Variants in KAZN observed in about 807,000 individuals in gnomAD.
KAZN encodes the protein kazrin.
Under a neutral mutation model 87.4 loss-of-function variants are expected in KAZN, and 40 were observed. That is an observed-to-expected ratio of 0.46 (90% confidence interval 0.36 to 0.60). The LOEUF (loss-of-function observed/expected upper bound fraction) is 0.60, where lower values mean the gene tolerates loss of function less well. Ranked by LOEUF, KAZN falls within the 20% of genes least tolerant of loss-of-function variation. KAZN has a pLI of 0.00. For synonymous variants in KAZN, 466 were observed against 458.3 expected, an observed-to-expected ratio of 1.02 and a Z score of -0.22; for missense variants, 898 against 1,073.9, an observed-to-expected ratio of 0.84 and a Z score of 2.29.
chr1:14,146,536 C>CAAAAAAAAAAACAAAAAAAA, intron 1 of KAZN, among the ~76,000 whole-genome samples: 1 of 63,508 alleles, frequency 1.6e-5, no homozygotes, highest in Non-Finnish European at 2.8e-5. Flanking sequence ...AACTCCATCT[C>CAAAAAAAAAAACAAAAAAAA]AAAAAAAAAA....
intron 2 of KAZN, among the ~76,000 whole-genome samples, chr1:14,266,436 G>A (rs565455833): frequency 1.3e-5 from 2 of 152,246 alleles, no homozygotes; most frequent in South Asian, 4.2e-4. Flanking sequence ...TTTACCACAC[G>A]CTAATTGATA....
chr1:14,081,740 C>G (rs1037767171), intron 1 of KAZN, among the ~76,000 whole-genome samples: 1 of 148,948 alleles, frequency 6.7e-6, no homozygotes, highest in Non-Finnish European at 1.5e-5. Context: ...CACTCTGTCC[C>G]TTTTGCTTTG....
At chr1:14,777,076 C>G (rs562446938) in intron 1 of KAZN, among the ~76,000 whole-genome samples, 1 of 152,324 alleles carries the variant, frequency 6.6e-6, no homozygotes, top group East Asian at 1.9e-4. Flanking sequence ...TCTCGGCTCA[C>G]TGCAAGTGCT....
At chr1:14,899,997 C>T (rs888605726) in intron 1 of KAZN, among the ~76,000 whole-genome samples, 16 of 152,216 alleles carry the variant, frequency 1.1e-4, no homozygotes, top group African/African-American at 2.7e-4. Flanking sequence ...CTTCCCGTTC[C>T]GGCCCTGTGG....
At chr1:15,036,957 C>T (rs1672401866) in intron 3 of KAZN, among the ~76,000 whole-genome samples, 1 of 152,180 alleles carries the variant, frequency 6.6e-6, no homozygotes, top group Non-Finnish European at 1.5e-5. Context: ...ATGCAGCCGG[C>T]GATGGCAGGG....
chr1:14,578,324 CT>C (rs1303470683), intron 2 of KAZN, among the ~76,000 whole-genome samples: 2 of 152,112 alleles, frequency 1.3e-5, no homozygotes, highest in African/African-American at 4.8e-5. Context: ...AAGCACCCTT[CT>C]TGCTGGCATG....
At chr1:13,988,899 C>A (rs934084732) in intron 1 of KAZN, among the ~76,000 whole-genome samples, 8 of 152,140 alleles carry the variant, frequency 5.3e-5, no homozygotes, top group East Asian at 1.9e-4. Context: ...TACTCCTGAT[C>A]TGAGGATCCC....
chr1:14,036,231 T>C (rs925375784), intron 1 of KAZN, among the ~76,000 whole-genome samples: 7 of 152,132 alleles, frequency 4.6e-5, no homozygotes, highest in African/African-American at 1.7e-4. Context: ...GCCCAAGACA[T>C]GTGGGGACTT....
chr1:14,790,076 C>A (rs1007298819), intron 1 of KAZN, among the ~76,000 whole-genome samples: 1 of 151,924 alleles, frequency 6.6e-6, no homozygotes, highest in Non-Finnish European at 1.5e-5. Flanking sequence ...AATCTTGACT[C>A]ACCGCAACCT....
intron 1 of KAZN, among the ~76,000 whole-genome samples, chr1:14,724,378 G>T (rs1230520695): frequency 1.3e-5 from 2 of 152,186 alleles, no homozygotes; most frequent in African/African-American, 4.8e-5. Flanking sequence ...GCGTCTGCGG[G>T]AGAGCTGGGA....
At chr1:14,274,842 T>A (rs1289631461) in intron 2 of KAZN, among the ~76,000 whole-genome samples, 1 of 151,136 alleles carries the variant, frequency 6.6e-6, no homozygotes, top group Non-Finnish European at 1.5e-5. Context: ...AAATATTTCT[T>A]TTTTTTTTCT....
intron 2 of KAZN, among the ~76,000 whole-genome samples, chr1:14,217,596 G>C (rs1349375752): frequency 6.6e-6 from 1 of 151,924 alleles, no homozygotes; most frequent in East Asian, 1.9e-4. Context: ...TATAATAAGG[G>C]CTCCAAAGAA....
intron 1 of KAZN, among the ~76,000 whole-genome samples, chr1:14,044,490 T>C (rs1034495215): frequency 6.6e-6 from 1 of 152,136 alleles, no homozygotes; most frequent in Non-Finnish European, 1.5e-5. Flanking sequence ...TAATACCTAC[T>C]ATGGGATACT....
chr1:14,583,951 T>C (rs939378643), intron 2 of KAZN, among the ~76,000 whole-genome samples: 2 of 152,188 alleles, frequency 1.3e-5, no homozygotes, highest in African/African-American at 4.8e-5. Context: ...GTCTGATTAA[T>C]AGTCTGAATG....
intron 2 of KAZN, among the ~76,000 whole-genome samples, chr1:14,543,150 T>TGTGTCATAA (rs1672920596): frequency 6.6e-6 from 1 of 152,198 alleles, no homozygotes; most frequent in Non-Finnish European, 1.5e-5. Flanking sequence ...CTATATGACC[T>TGTGTCATAA]GTGTCATAAT....
chr1:14,568,906 A>G (rs1674695668), intron 2 of KAZN, among the ~76,000 whole-genome samples: 1 of 152,240 alleles, frequency 6.6e-6, no homozygotes, highest in Non-Finnish European at 1.5e-5. Context: ...CTGATTGTGG[A>G]CCTACTATGT....
chr1:14,576,881 C>T (rs1431778890), intron 2 of KAZN, among the ~76,000 whole-genome samples: 2 of 152,312 alleles, frequency 1.3e-5, no homozygotes, highest in East Asian at 1.9e-4. Flanking sequence ...TTTGTCTACT[C>T]CTCCCATACC....
At chr1:14,384,867 A>T (rs910982410) in intron 2 of KAZN, among the ~76,000 whole-genome samples, 224 of 151,918 alleles carry the variant, frequency 1.5e-3, no homozygotes, top group African/African-American at 3.5e-3. Flanking sequence ...TTTTCTATTG[A>T]TTGGAATAGT....
chr1:14,661,480 T>C (rs570450237), intron 1 of KAZN, among the ~76,000 whole-genome samples: 36 of 152,296 alleles, frequency 2.4e-4, no homozygotes, highest in African/African-American at 8.2e-4. Context: ...TATTCAACTC[T>C]GCTGTTGTAA....
Sources: gnomAD v4.1 joint callset for allele counts (sites outside exome capture counted in the v4.1 genomes callset) on GRCh38, gnomAD v4.1.1 for gene constraint, MANE v1.5 for transcripts, NCBI Gene and HGNC (gene_info 2026-07-23, HGNC 2026-07-21) for gene names.